The following PAQR8 variants were observed in gnomAD, a reference collection of about 807,000 sequenced individuals.
PAQR8 encodes membrane progestin receptor beta.
In PAQR8, 17 loss-of-function variants were observed where a neutral mutation model predicts 25.2. That is an observed-to-expected ratio of 0.67 (90% CI 0.46 to 1.01). The LOEUF is 1.01. PAQR8 is among the 50% of genes least tolerant of loss of function. The pLI, the probability that PAQR8 is intolerant of heterozygous loss-of-function variation, is 0.00. For synonymous variants in PAQR8, 204 were observed against 190.6 expected (o/e 1.07, Z -0.58); for missense variants, 392 against 448.4 (o/e 0.87, Z 1.14).
chr6:52,403,393 C>T lies in PAQR8; in HGVS notation c.180C>T (p.His60=), dbSNP rs1055756051. The part of the protein sequence containing the change: ...YIRTGYRPTG[H]EWRYYFFSLF... ...GCACCGGCTACCGCCCCACGGGGCA[C>T]GAGTGGCGCTACTACTTCTTCAGCC... The change falls in exon 2 of 2, where the codon CAC becomes CAT. Residue 60 remains histidine, a synonymous_variant. Transcript: ENST00000442253. The T allele has an allele frequency of 7.4e-6, 12 of 1,614,110 alleles. No individual in the cohort carries two copies. The highest frequency in any genetic ancestry group is 1.0e-5 in the Non-Finnish European group (12 of 1,180,042).
At chr6:52,378,046 T>G (rs919709054) in intron 1 of PAQR8, among the ~76,000 whole-genome samples, 12 of 152,344 alleles carry the variant, frequency 7.9e-5, no homozygotes, top group Non-Finnish European at 1.8e-4. Context: ...CACCACTTCC[T>G]GTCTGGATTT....
rs1052158075 is a variant in PAQR8, at chr6:52,407,316, C to T, written c.*3038C>T. 6.0e-6 allele frequency: 1 copy of T among 167,072 alleles called. No individual in the cohort carries two copies. The highest frequency in any genetic ancestry group is 2.4e-5 in the African/African-American group (1 of 41,448). 10.3% of individuals were successfully genotyped at this position (167,072 alleles called of 1,614,324 possible). A position where few individuals can be genotyped will look rare whatever the true frequency, so the allele number is the denominator to read the frequency against. ...ACACATTTGCCTGCTTCTCTCTTGC[C>T]TAATTCTTCCTGACCTGTATTTACT... On this transcript the variant is annotated 3_prime_UTR_variant, in exon 2 of 2. Coordinates refer to ENST00000442253, the MANE Select transcript of PAQR8 (RefSeq NM_133367.5).
chr6:52,363,778 C>T (rs923070295), intron 1 of PAQR8, among the ~76,000 whole-genome samples: 2 of 152,192 alleles, frequency 1.3e-5, no homozygotes, highest in Non-Finnish European at 2.9e-5. Flanking sequence ...AGCTGCTGCA[C>T]CCTTGACCAG....
intron 1 of PAQR8, among the ~76,000 whole-genome samples, chr6:52,398,292 C>T (rs1363312298): frequency 6.6e-6 from 1 of 150,796 alleles, no homozygotes; most frequent in Non-Finnish European, 1.5e-5. Context: ...CTGCAACCTC[C>T]ACCTCTCTGG....
intron 1 of PAQR8, among the ~76,000 whole-genome samples, chr6:52,375,149 TATATGGCTCTGTGCC>T (rs1264320143): frequency 6.6e-6 from 1 of 151,980 alleles, no homozygotes; most frequent in Non-Finnish European, 1.5e-5. Flanking sequence ...GGGTGGCAAA[TATATGGCTCTGTGCC>T]ACTGTTCCCT....
chr6:52,364,083 G>GTTTTTTTTTTTTTTTTTTTTTTTTT (rs67846872), intron 1 of PAQR8, among the ~76,000 whole-genome samples: 2 of 84,268 alleles, frequency 2.4e-5, no homozygotes, highest in Non-Finnish European at 4.4e-5. Context: ...TGAAAGATAT[G>GTTTTTTTTTTTTTTTTTTTTTTTTT]TTTTTTTTTT....
chr6:52,403,203 G>C lies in PAQR8; in HGVS notation c.-11G>C, dbSNP rs776917332. The C allele has an allele frequency of 6.3e-7, 1 of 1,586,986 alleles. No individual in the cohort carries two copies. The highest frequency in any genetic ancestry group is 2.3e-5 in the East Asian group (1 of 44,130). ...TGAGGGCGCGGCACGGAGTGCATGC[G>C]GGCCGCTGCCATGACGACCGCCATC... On this transcript the variant is annotated 5_prime_UTR_variant, in exon 2 of 2. Transcript: ENST00000442253.
chr6:52,370,788 C>T (rs1476455329), intron 1 of PAQR8, among the ~76,000 whole-genome samples: 4 of 152,120 alleles, frequency 2.6e-5, no homozygotes, highest in African/African-American at 7.2e-5. Flanking sequence ...CATTTTTCTT[C>T]GTATCACTTG....
At chr6:52,398,787 C>T (rs1004329143) in intron 1 of PAQR8, among the ~76,000 whole-genome samples, 1 of 152,174 alleles carries the variant, frequency 6.6e-6, no homozygotes, top group Admixed American at 6.5e-5. Context: ...CTCCTGACCT[C>T]AAGCAGTCCA....
intron 1 of PAQR8, among the ~76,000 whole-genome samples, chr6:52,372,203 G>A (rs1763427547): frequency 6.6e-6 from 1 of 152,182 alleles, no homozygotes; most frequent in Non-Finnish European, 1.5e-5. Flanking sequence ...TTAGCTTTTG[G>A]CTGGAAATGA....
chr6:52,365,777 A>T (rs1763344793), intron 1 of PAQR8, among the ~76,000 whole-genome samples: 1 of 152,208 alleles, frequency 6.6e-6, no homozygotes, highest in Admixed American at 6.5e-5. Context: ...TTCAGAAACG[A>T]GGAAATACAG....
chr6:52,375,687 GTGTT>G (rs1442270216), intron 1 of PAQR8, among the ~76,000 whole-genome samples: 7 of 151,746 alleles, frequency 4.6e-5, no homozygotes, highest in East Asian at 1.9e-4. Context: ...TAATTTTTAT[GTGTT>G]TATTTATTTA....
intron 1 of PAQR8, among the ~76,000 whole-genome samples, chr6:52,385,474 C>T (rs1763621213): frequency 6.6e-6 from 1 of 152,200 alleles, no homozygotes; most frequent in Admixed American, 6.5e-5. Flanking sequence ...AGGAAGTACC[C>T]TTCTCGACAT....
At chr6:52,379,810 G>C (rs745607207) in intron 1 of PAQR8, among the ~76,000 whole-genome samples, 1 of 152,020 alleles carries the variant, frequency 6.6e-6, no homozygotes, top group Non-Finnish European at 1.5e-5. Flanking sequence ...TGTATTTTTA[G>C]TACAGATGGG....
chr6:52,362,784 A>C lies in PAQR8; in HGVS notation c.-53+535A>C, dbSNP rs1355789069. Reference sequence around the variant, plus strand: ...AGAGGAAGCCCGGGGCGGTAGGGAGAGCCCGAGGAAGGGCAGCCCGAGGTA... The same window carrying C: ...AGAGGAAGCCCGGGGCGGTAGGGAGCGCCCGAGGAAGGGCAGCCCGAGGTA... On this transcript the variant is annotated intron_variant, in intron 1 of 1. Coordinates refer to ENST00000442253, the MANE Select transcript of PAQR8 (RefSeq NM_133367.5). This position sits in a 1 kb window ranked among gnomAD's most constrained non-coding sequence, Gnocchi z 4.1. Among the ~76,000 whole-genome samples, 1 of 152,010 alleles carries C rather than the reference A, an allele frequency of 6.6e-6. No homozygotes were observed. The highest frequency in any genetic ancestry group is 1.5e-5 in the Non-Finnish European group (1 of 67,998).
At chr6:52,366,431 T>C (rs1763354655) in intron 1 of PAQR8, among the ~76,000 whole-genome samples, 1 of 152,200 alleles carries the variant, frequency 6.6e-6, no homozygotes, top group Non-Finnish European at 1.5e-5. Flanking sequence ...GAGCTAAGAA[T>C]TCATATGGAT....
intron 1 of PAQR8, among the ~76,000 whole-genome samples, chr6:52,363,208 G>A (rs1763311614): frequency 6.6e-6 from 1 of 152,150 alleles, no homozygotes; most frequent in African/African-American, 2.4e-5. Flanking sequence ...GACCCGGTGC[G>A]GGGACCTGGA....
Position 52,403,232 on chromosome 6 carries a change from G to T in PAQR8, c.19G>T (p.Glu7Ter). The T allele has an allele frequency of 6.3e-7, 1 of 1,597,502 alleles. No individual in the cohort carries two copies. The highest frequency in any genetic ancestry group is 2.3e-5 in the East Asian group (1 of 44,336). MTTAIL[E>*]RLSTLSVSGQ... ...CGCTGCCATGACGACCGCCATCTTG[G>T]AGCGCCTGAGCACCCTGTCGGTCAG... is the stretch of plus-strand genomic sequence containing the variant. The change falls in exon 2 of 2, where the codon GAG becomes TAG. Residue 7 changes from glutamate (E) to a stop codon, truncating the protein, a stop_gained. Transcript: ENST00000442253. LOFTEE classifies it high-confidence loss of function.
intron 1 of PAQR8, among the ~76,000 whole-genome samples, chr6:52,378,230 A>C (rs563543506): frequency 6.6e-6 from 1 of 152,386 alleles, no homozygotes; most frequent in East Asian, 1.9e-4. Flanking sequence ...TTTAGTAATT[A>C]TCACTGGCAA....
Sources: allele counts gnomAD v4.1 joint callset (sites outside exome capture counted in the v4.1 genomes callset), GRCh38; gene constraint gnomAD v4.1.1; non-coding constraint Gnocchi (gnomAD v3.1); transcripts MANE v1.5; gene names NCBI Gene and HGNC (gene_info 2026-07-23, HGNC 2026-07-21).